CHIC1: variants seen among roughly 807,000 people sequenced by gnomAD.
The protein encoded by CHIC1 is cysteine-rich hydrophobic domain-containing protein 1.
Under a neutral mutation model 18.5 loss-of-function variants are expected in CHIC1, and 7 were observed. The observed-to-expected ratio is 0.38, with a 90% confidence interval of 0.22 to 0.71. The LOEUF (loss-of-function observed/expected upper bound fraction) is 0.71. Ranked by LOEUF, CHIC1 falls within the 30% of genes least tolerant of loss-of-function variation. CHIC1 has a pLI of 0.49. For missense variants in CHIC1, 159 were observed against 176.9 expected, an observed-to-expected ratio of 0.90 and a Z score of 0.57; for synonymous variants, 77 against 73.5, an observed-to-expected ratio of 1.05 and a Z score of -0.25.
At chrX:73,589,133 G>T (rs1253627216) in intron 3 of CHIC1, among the ~76,000 whole-genome samples, 1 of 109,849 alleles carries the variant, frequency 9.1e-6, no homozygotes, top group Admixed American at 9.7e-5. Flanking sequence ...TTATTGATTT[G>T]AGATCATTCT....
At chrX:73,638,646 G>A (rs1010204033) in intron 3 of CHIC1, among the ~76,000 whole-genome samples, 3 of 111,262 alleles carry the variant, frequency 2.7e-5, no homozygotes, top group African/African-American at 6.5e-5. Context: ...CAGAGTACCT[G>A]ATACATATTT....
Position 73,563,341 on chromosome X carries a change from G to A in CHIC1, c.57G>A (p.Glu19=). ...TCGACACCATCTCGGAACTGGAGGA[G>A]GAGGAGGAAGAAGAAGCGGCAACGT... ...AEFDTISELE[E]EEEEEAATSS... Residue 19 remains glutamate, a synonymous_variant, in exon 1 of 6, where the codon GAG becomes GAA. Transcript: ENST00000373502. The A allele has an allele frequency of 8.7e-7, 1 of 1,153,606 alleles. No individual in the cohort carries two copies. Among genetic ancestry groups the A allele is most frequent in the Non-Finnish European group, 1.2e-6 (1 of 865,547 alleles).
At chrX:73,566,964 A>G (rs1241689804) in intron 1 of CHIC1, among the ~76,000 whole-genome samples, 1 of 112,028 alleles carries the variant, frequency 8.9e-6, no homozygotes, top group African/African-American at 3.2e-5. Context: ...AATGGTATTC[A>G]AATTCTAATT....
At chrX:73,669,171 G>A (rs1222906051) in intron 3 of CHIC1, among the ~76,000 whole-genome samples, 1 of 111,410 alleles carries the variant, frequency 9.0e-6, no homozygotes, top group Non-Finnish European at 1.9e-5. Context: ...TCCAAAGCTA[G>A]CAGGCTGGAA....
chrX:73,592,756 G>A lies in CHIC1; in HGVS notation c.507+8184G>A, dbSNP rs181769044. ...AGGAGTCTCTCCTCCTCTATTTTTT[G>A]GAATAATTTTAGTATGATTGGTATT... is the stretch of plus-strand genomic sequence containing the variant. On this transcript the variant is annotated intron_variant, in intron 3 of 5. Transcript: ENST00000373502. Among the ~76,000 whole-genome samples, 10 of 109,736 alleles carry A rather than the reference G, an allele frequency of 9.1e-5. No individual in the cohort carries two copies. In the East Asian group the frequency reaches 1.2e-3, roughly 13 times the overall value.
chrX:73,663,132 T>G (rs938878086), intron 3 of CHIC1, among the ~76,000 whole-genome samples: 3 of 111,769 alleles, frequency 2.7e-5, no homozygotes, highest in African/African-American at 9.8e-5. Context: ...AGGGAGGCCC[T>G]GTTGAAGGGG....
chrX:73,582,439 C>T (rs930926537), intron 2 of CHIC1, among the ~76,000 whole-genome samples: 2 of 108,790 alleles, frequency 1.8e-5, no homozygotes, highest in Admixed American at 2.0e-4. Context: ...AACTTGGTAC[C>T]TTGTTTTTAG....
At chrX:73,611,464 G>A (rs1261681654) in intron 3 of CHIC1, among the ~76,000 whole-genome samples, 2 of 108,648 alleles carry the variant, frequency 1.8e-5, no homozygotes, top group Admixed American at 1.9e-4. Flanking sequence ...ATTGTGAATA[G>A]TGCCGCAATA....
rs1317547237 is a variant in CHIC1 at position 73,599,821 on chromosome X, T to C, written c.507+15249T>C. Among the ~76,000 whole-genome samples, 3 of 106,851 alleles carry C rather than the reference T, an allele frequency of 2.8e-5. 1 individual carries two copies. The highest frequency in any genetic ancestry group is 1.1e-4 in the African/African-American group (3 of 27,137). The allele number at this position is 106,851 out of a possible 115,157, so 92.8% of individuals were successfully genotyped here. A position where few individuals can be genotyped will look rare whatever the true frequency, so the allele number is the denominator to read the frequency against. ...GGAGTGACTTGGCAATGTGGGCTCTTTTTTGGTTCCATATGAACTTTAAAG... is the reference window on the plus strand; with the variant it reads ...GGAGTGACTTGGCAATGTGGGCTCTCTTTTGGTTCCATATGAACTTTAAAG... On this transcript the variant is annotated intron_variant, in intron 3 of 5. Transcript: ENST00000373502.
rs1264018274 is a variant in CHIC1, at chrX:73,683,286, T to C, written c.*2281T>C. 8.9e-6 allele frequency: 1 copy of C among 111,980 alleles called. No individual in the cohort carries two copies. The highest frequency in any genetic ancestry group is 3.2e-5 in the African/African-American group (1 of 30,887). 9.2% of individuals were successfully genotyped at this position (111,980 alleles called of 1,213,427 possible). A position where few individuals can be genotyped will look rare whatever the true frequency, so the allele number is the denominator to read the frequency against. ...TCGAGTTTATTATTTTATTGTTCGCTATGCTGGTTGACTCATCTTAGTTTC... is the reference window on the plus strand; with the variant it reads ...TCGAGTTTATTATTTTATTGTTCGCCATGCTGGTTGACTCATCTTAGTTTC... On this transcript the variant is annotated 3_prime_UTR_variant, in exon 6 of 6. Transcript: ENST00000373502.
At chrX:73,656,656 CTGTG>C (rs1293475735) in intron 3 of CHIC1, among the ~76,000 whole-genome samples, 4 of 111,751 alleles carry the variant, frequency 3.6e-5, no homozygotes, top group Non-Finnish European at 7.5e-5. Context: ...TTCCAATGGT[CTGTG>C]TGTCTGTTCT....
chrX:73,623,689 T>A (rs938910097), intron 3 of CHIC1, among the ~76,000 whole-genome samples: 9 of 111,328 alleles, frequency 8.1e-5, no homozygotes, highest in Non-Finnish European at 1.3e-4. Context: ...GCAAAAAAAA[T>A]TTACATTTCT....
intron 3 of CHIC1, among the ~76,000 whole-genome samples, chrX:73,658,267 T>G (rs1456627835): frequency 7.8e-5 from 7 of 90,066 alleles, no homozygotes; most frequent in Non-Finnish European, 1.3e-4. Flanking sequence ...TTTTTTTTTT[T>G]TTTTTTTTTT....
chrX:73,647,056 A>G (rs752919690), intron 3 of CHIC1, among the ~76,000 whole-genome samples: 4 of 111,902 alleles, frequency 3.6e-5, no homozygotes, highest in Non-Finnish European at 5.6e-5. Flanking sequence ...TGAAGAGGAT[A>G]CACTTTACCC....
At chrX:73,595,508 CT>C (rs998906574) in intron 3 of CHIC1, among the ~76,000 whole-genome samples, 54 of 111,266 alleles carry the variant, frequency 4.9e-4, no homozygotes, top group Middle Eastern at 4.6e-3. Flanking sequence ...TGAACTCATT[CT>C]TTTTTTATGG....
At chrX:73,609,546 G>A (rs1339420798) in intron 3 of CHIC1, among the ~76,000 whole-genome samples, 1 of 108,898 alleles carries the variant, frequency 9.2e-6, no homozygotes, top group Non-Finnish European at 1.9e-5. Context: ...CATCTACAGT[G>A]ACACACCATC....
In CHIC1 at chrX:73,679,645, C is replaced by T. The variant is rs910882742; in HGVS notation, c.565-9C>T. 2 of 1,093,554 alleles carry T rather than the reference C, an allele frequency of 1.8e-6. No homozygotes were observed. The highest frequency in any genetic ancestry group is 2.3e-5 in the South Asian group (1 of 44,148). The allele number at this position is 1,093,554 out of a possible 1,213,427, so 90.1% of individuals were successfully genotyped here. ...TATAAAAATTCTTAACAAGACTATACTTTCTTAGCTTGCTTTGCACTGGAA... is the reference window on the plus strand; with the variant it reads ...TATAAAAATTCTTAACAAGACTATATTTTCTTAGCTTGCTTTGCACTGGAA... On this transcript the variant is annotated splice_polypyrimidine_tract_variant and intron_variant, in intron 4 of 5. Transcript: ENST00000373502.
At chrX:73,667,520 C>T (rs963255678) in intron 3 of CHIC1, among the ~76,000 whole-genome samples, 5 of 111,879 alleles carry the variant, frequency 4.5e-5, no homozygotes, top group African/African-American at 1.6e-4. Context: ...GTGCTTTCTT[C>T]AGGAGCTCTT....
intron 3 of CHIC1, among the ~76,000 whole-genome samples, chrX:73,595,755 C>G (rs1372272576): frequency 9.0e-6 from 1 of 111,368 alleles, no homozygotes; most frequent in Admixed American, 9.6e-5. Flanking sequence ...GCCACATTGT[C>G]TTCCACAATG....
Sources: gnomAD v4.1 joint callset for allele counts (sites outside exome capture counted in the v4.1 genomes callset) on GRCh38, gnomAD v4.1.1 for gene constraint, MANE v1.5 for transcripts, NCBI Gene and HGNC (gene_info 2026-07-23, HGNC 2026-07-21) for gene names.